GALNT17: variants seen among roughly 807,000 people sequenced by gnomAD.
GALNT17 encodes the protein UDP-GalNAc:polypeptide N-acetylgalactosaminyltransferase-like 3.
GALNT17 carries 29 observed loss-of-function variants against 63.7 expected under a neutral mutation model. The ratio of observed to expected loss-of-function variants is 0.46; its 90% CI spans 0.34 to 0.62. The LOEUF is 0.62. Ranked by LOEUF, GALNT17 falls within the 20% of genes least tolerant of loss-of-function variation. The pLI is 0.01. For missense variants in GALNT17, 603 were observed against 799.6 expected, an observed-to-expected ratio of 0.75 and a Z score of 2.97; for synonymous variants, 305 against 318.3, an observed-to-expected ratio of 0.96 and a Z score of 0.45.
intron 1 of GALNT17, among the ~76,000 whole-genome samples, chr7:71,194,298 G>C (rs536723888): frequency 1.3e-5 from 2 of 152,180 alleles, no homozygotes; most frequent in Admixed American, 1.3e-4. Flanking sequence ...ACTGAGCTTA[G>C]ACTGTGGTCC....
chr7:71,166,219 G>A (rs1788438646), intron 1 of GALNT17, among the ~76,000 whole-genome samples: 1 of 152,236 alleles, frequency 6.6e-6, no homozygotes, highest in South Asian at 2.1e-4. Context: ...AATACTGCGT[G>A]TGCTTGGGCA....
At chr7:71,223,072 C>T (rs538164156) in intron 1 of GALNT17, among the ~76,000 whole-genome samples, 3 of 152,052 alleles carry the variant, frequency 2.0e-5, no homozygotes, top group Admixed American at 6.6e-5. Context: ...GACCACCTGT[C>T]CCCCTACCCC....
intron 5 of GALNT17, among the ~76,000 whole-genome samples, chr7:71,482,111 G>GTA (rs1554380000): frequency 6.6e-6 from 1 of 150,762 alleles, no homozygotes; most frequent in Non-Finnish European, 1.5e-5. Flanking sequence ...GTGTGTGTGT[G>GTA]TGTATGTATG....
At chr7:71,442,584 T>G (rs1365255834) in intron 5 of GALNT17, among the ~76,000 whole-genome samples, 1 of 152,156 alleles carries the variant, frequency 6.6e-6, no homozygotes, top group Non-Finnish European at 1.5e-5. Context: ...AGTCTTTCCT[T>G]TTTTGGCTGC....
chr7:71,384,812 T>G (rs759289796), intron 2 of GALNT17, among the ~76,000 whole-genome samples: 2 of 152,092 alleles, frequency 1.3e-5, no homozygotes, highest in Admixed American at 6.6e-5. Flanking sequence ...ATATCACATT[T>G]CTCCCTCTGT....
At chr7:71,685,855 G>C (rs1008253391) in intron 9 of GALNT17, 1 of 143,060 alleles carries the variant, frequency 7.0e-6, no homozygotes, top group Non-Finnish European at 1.5e-5. Flanking sequence ...GTCCCAGCTT[G>C]ATTTTTTGTT....
At chr7:71,478,142 A>G (rs1055786095) in intron 5 of GALNT17, among the ~76,000 whole-genome samples, 1 of 152,168 alleles carries the variant, frequency 6.6e-6, no homozygotes. Flanking sequence ...TCTTCTAAAC[A>G]TAGATGGTGG....
chr7:71,313,828 C>T lies in GALNT17; in HGVS notation c.239-21722C>T, dbSNP rs535583113. ...TGGAGTCCTTCCAGAGTAACTATTT[C>T]GGTGGTTGCAGAGCCCCCTCAGAAA... On this transcript the variant is annotated intron_variant, in intron 1 of 10. Transcript: ENST00000333538. Among the ~76,000 whole-genome samples the T allele has an allele frequency of 3.9e-5, 6 of 152,070 alleles. No homozygotes were observed. The East Asian group carries it at 7.7e-4, about 20-fold the overall frequency.
chr7:71,297,673 G>A (rs1314585342), intron 1 of GALNT17, among the ~76,000 whole-genome samples: 1 of 152,124 alleles, frequency 6.6e-6, no homozygotes, highest in Non-Finnish European at 1.5e-5. Context: ...GCTCCAAAGT[G>A]GAAACAACCC....
At chr7:71,215,982 G>T (rs891939766) in intron 1 of GALNT17, among the ~76,000 whole-genome samples, 3 of 152,060 alleles carry the variant, frequency 2.0e-5, no homozygotes, top group African/African-American at 7.2e-5. Context: ...GCTGAGGCAG[G>T]AGGATTGCTT....
Position 71,292,044 on chromosome 7 carries a change from A to G in GALNT17, c.239-43506A>G, listed in dbSNP as rs533898810. On this transcript the variant is annotated intron_variant, in intron 1 of 10. Coordinates refer to ENST00000333538, the MANE Select transcript of GALNT17 (RefSeq NM_022479.3). ...CTTTCTGGGAACATGTAACTCTGTTATGGATTATTTACATTTTAGATATTT... is the reference window on the plus strand; with the variant it reads ...CTTTCTGGGAACATGTAACTCTGTTGTGGATTATTTACATTTTAGATATTT... 6.0e-4 allele frequency among the ~76,000 whole-genome samples: 92 copies of G among 152,316 alleles called. 1 individual carries two copies. Among genetic ancestry groups the G allele is most frequent in the African/African-American group, 2.1e-3 (86 of 41,572 alleles).
At chr7:71,449,950 A>G (rs1431769937) in intron 5 of GALNT17, among the ~76,000 whole-genome samples, 1 of 151,550 alleles carries the variant, frequency 6.6e-6, no homozygotes, top group African/African-American at 2.4e-5. Context: ...CTGAGGCAGG[A>G]GAAATCACTT....
chr7:71,145,044 A>G (rs2116189201), intron 1 of GALNT17, among the ~76,000 whole-genome samples: 1 of 152,186 alleles, frequency 6.6e-6, no homozygotes, highest in East Asian at 1.9e-4. Context: ...GGGGTTTTTA[A>G]GGGGATCATG....
intron 1 of GALNT17, among the ~76,000 whole-genome samples, chr7:71,280,744 C>T (rs1583824804): frequency 1.3e-5 from 2 of 152,100 alleles, no homozygotes; most frequent in East Asian, 3.9e-4. Context: ...AGAGGGTTTT[C>T]CTTGACAGTT....
intron 5 of GALNT17, among the ~76,000 whole-genome samples, chr7:71,564,793 C>G (rs1789313410): frequency 6.6e-6 from 1 of 152,160 alleles, no homozygotes; most frequent in African/African-American, 2.4e-5. Flanking sequence ...GGAAGACATA[C>G]CAAATGGAGA....
intron 7 of GALNT17, among the ~76,000 whole-genome samples, chr7:71,669,380 G>T (rs1791032698): frequency 6.6e-6 from 1 of 151,826 alleles, no homozygotes; most frequent in Non-Finnish European, 1.5e-5. Context: ...GCATGGTGAT[G>T]CAAGCCTGGA....
chr7:71,196,677 C>T (rs950121118), intron 1 of GALNT17, among the ~76,000 whole-genome samples: 6 of 152,060 alleles, frequency 3.9e-5, no homozygotes, highest in East Asian at 3.9e-4. Context: ...CTTGCTCTGT[C>T]GCCCAGGTTG....
At chr7:71,255,629 T>C (rs187644846) in intron 1 of GALNT17, among the ~76,000 whole-genome samples, 1 of 152,228 alleles carries the variant, frequency 6.6e-6, no homozygotes, top group Admixed American at 6.5e-5. Context: ...AAAATGCTTG[T>C]GAGTTCAGGG....
chr7:71,356,175 G>A (rs537445297), intron 2 of GALNT17, among the ~76,000 whole-genome samples: 10 of 151,152 alleles, frequency 6.6e-5, no homozygotes, highest in South Asian at 6.3e-4. Context: ...ATGGGGTTTC[G>A]CCATGTTGGC....
Sources: gnomAD v4.1 joint callset for allele counts (sites outside exome capture counted in the v4.1 genomes callset) on GRCh38, gnomAD v4.1.1 for gene constraint, MANE v1.5 for transcripts, NCBI Gene and HGNC (gene_info 2026-07-23, HGNC 2026-07-21) for gene names.